Variants in HERC3 observed in about 807,000 individuals in gnomAD.
The protein encoded by HERC3 is HECT and RLD domain containing E3 ubiquitin protein ligase 3, also known as probable E3 ubiquitin-protein ligase HERC3.
In HERC3, 58 loss-of-function variants were observed where a neutral mutation model predicts 129.9. The ratio of observed to expected loss-of-function variants is 0.45; its 90% CI spans 0.36 to 0.56. The LOEUF is 0.56. Among genes scored for constraint, HERC3 ranks in the 20% least tolerant of loss-of-function variants. The probability of loss-of-function intolerance (pLI) is 0.00; values close to 1 mark genes in which losing one functional copy is unlikely to be tolerated. For missense variants in HERC3, 835 were observed against 1,244.2 expected (o/e 0.67, Z 4.95); for synonymous variants, 430 against 451.0 (o/e 0.95, Z 0.59).
At chr4:88,568,073 G>C in the HERC3 span, among the ~76,000 whole-genome samples, 3 of 152,210 alleles carry the variant, frequency 2.0e-5, no homozygotes, top group East Asian at 3.8e-4. Flanking sequence ...TAAGATAAGA[G>C]AGAATTTCCA....
At chr4:88,544,851 T>C in the HERC3 span, among the ~76,000 whole-genome samples, 2 of 152,010 alleles carry the variant, frequency 1.3e-5, no homozygotes, top group Admixed American at 6.6e-5. Context: ...AATTGAACAA[T>C]GAGAACACGT....
At chr4:88,697,266 A>C (rs778934265) in intron 23 of HERC3, 15 of 1,574,710 alleles carry the variant, frequency 9.5e-6, no homozygotes, top group Admixed American at 7.6e-5. Flanking sequence ...CCCCCGCGGC[A>C]GCCTCTGCCG....
the HERC3 span, among the ~76,000 whole-genome samples, chr4:88,538,428 A>G: frequency 2.0e-5 from 3 of 152,096 alleles, no homozygotes; most frequent in South Asian, 2.1e-4. Context: ...GAGGCTAGGT[A>G]TCAACGTGTT....
the HERC3 span, among the ~76,000 whole-genome samples, chr4:88,547,849 T>C: frequency 1.8e-3 from 278 of 152,224 alleles, no homozygotes; most frequent in African/African-American, 6.4e-3. Context: ...AGAGATAGGG[T>C]TTCACCACGT....
the HERC3 span, among the ~76,000 whole-genome samples, chr4:88,548,284 A>G: frequency 5.3e-5 from 8 of 152,340 alleles, no homozygotes; most frequent in African/African-American, 1.9e-4. Context: ...ACTGTTTTCC[A>G]AAGCGGCTGC....
chr4:88,625,165 T>A (rs1725957823), intron 3 of HERC3, among the ~76,000 whole-genome samples: 1 of 151,334 alleles, frequency 6.6e-6, no homozygotes, highest in Non-Finnish European at 1.5e-5. Context: ...TTTTTCAGAA[T>A]TTTTTTTTGG....
At chr4:88,689,273 G>T (rs531182704) in intron 23 of HERC3, among the ~76,000 whole-genome samples, 17 of 151,900 alleles carry the variant, frequency 1.1e-4, no homozygotes, top group African/African-American at 3.9e-4. Flanking sequence ...GGGAGGCCAA[G>T]GTGGGTGAAT....
At chr4:88,571,602 C>T in the HERC3 span, among the ~76,000 whole-genome samples, 1 of 152,164 alleles carries the variant, frequency 6.6e-6, no homozygotes, top group African/African-American at 2.4e-5. Context: ...TTTACACATG[C>T]ATGTGTTTAA....
At chr4:88,704,064 T>G in intron 23 of HERC3, 34 bp from the exon 24 acceptor site, 169 of 1,588,912 alleles carry the variant, frequency 1.1e-4, no homozygotes, top group Non-Finnish European at 1.3e-4. Context: ...TACAAGACTT[T>G]GAGCTAAATG....
the HERC3 span, among the ~76,000 whole-genome samples, chr4:88,549,812 A>T: frequency 6.6e-6 from 1 of 151,656 alleles, no homozygotes; most frequent in Non-Finnish European, 1.5e-5. Flanking sequence ...TCAAGCGATT[A>T]TCCTGCCTCA....
the HERC3 span, among the ~76,000 whole-genome samples, chr4:88,557,850 A>G: frequency 1.3e-5 from 2 of 152,096 alleles, no homozygotes; most frequent in African/African-American, 4.8e-5. Flanking sequence ...TGAGGTCAGG[A>G]GTTCGAGACC....
intron 3 of HERC3, among the ~76,000 whole-genome samples, chr4:88,608,388 C>T (rs201258710): frequency 6.6e-6 from 1 of 152,130 alleles, no homozygotes; most frequent in African/African-American, 2.4e-5. Context: ...CCTGAGGACC[C>T]TGAAATCTTG....
chr4:88,704,030 G>A, intron 23 of HERC3, 68 bp from the exon 24 acceptor site: 1 of 1,395,134 alleles, frequency 7.2e-7, no homozygotes, highest in Admixed American at 1.8e-5. Context: ...CAATCTCAGT[G>A]TAGAAGGGTA....
chr4:88,590,019 G>C (rs578214173), upstream of HERC3, among the ~76,000 whole-genome samples: 2 of 152,302 alleles, frequency 1.3e-5, no homozygotes, highest in South Asian at 2.1e-4. Context: ...TGTAATCTCA[G>C]CACTTTGGGA....
intron 23 of HERC3, among the ~76,000 whole-genome samples, chr4:88,700,556 C>A (rs956398387): frequency 2.6e-4 from 39 of 152,196 alleles, no homozygotes; most frequent in South Asian, 1.7e-3. Context: ...CTCCTCAAAA[C>A]TCTTTCAGGC....
the HERC3 span, among the ~76,000 whole-genome samples, chr4:88,549,684 T>C: frequency 6.6e-6 from 1 of 152,084 alleles, no homozygotes; most frequent in South Asian, 2.1e-4. Context: ...ATGGTGTATA[T>C]GTACCACATT....
chr4:88,629,017 A>G (rs1399032423), intron 3 of HERC3, among the ~76,000 whole-genome samples: 2 of 152,174 alleles, frequency 1.3e-5, no homozygotes, highest in Admixed American at 6.5e-5. Flanking sequence ...TACTAAAAAT[A>G]TGAAAATTAG....
intron 19 of HERC3, 84 bp from the exon 20 acceptor site, chr4:88,680,009 T>G: frequency 6.6e-6 from 8 of 1,211,810 alleles, no homozygotes; most frequent in Non-Finnish European, 9.2e-6. Flanking sequence ...TCCTTTGTCC[T>G]GAGTTTAGAA....
intron 7 of HERC3, 120 bp from the exon 8 acceptor site, chr4:88,655,054 C>A: frequency 1.1e-6 from 1 of 917,486 alleles, no homozygotes; most frequent in South Asian, 2.6e-5. Flanking sequence ...TGATTTTGGC[C>A]AAGTGTCAAG....
Sources: gnomAD v4.1 joint callset for allele counts (sites outside exome capture counted in the v4.1 genomes callset) on GRCh38, gnomAD v4.1.1 for gene constraint, MANE v1.5 for transcripts, NCBI Gene and HGNC (gene_info 2026-07-23, HGNC 2026-07-21) for gene names.